KCNIP4: variants seen among roughly 807,000 people sequenced by gnomAD.
The protein encoded by KCNIP4 is Kv channel-interacting protein 4.
A neutral mutation model predicts 34.0 loss-of-function variants in KCNIP4; 12 were observed. The ratio of observed to expected loss-of-function variants is 0.35; its 90% CI spans 0.23 to 0.57. The LOEUF (loss-of-function observed/expected upper bound fraction) is 0.57. Among genes scored for constraint, KCNIP4 ranks in the 20% least tolerant of loss-of-function variants. The pLI, the probability that KCNIP4 is intolerant of heterozygous loss-of-function variation, is 0.83. For synonymous variants in KCNIP4, 124 were observed against 102.2 expected, an observed-to-expected ratio of 1.21 and a Z score of -1.29; for missense variants, 238 against 311.7, an observed-to-expected ratio of 0.76 and a Z score of 1.78.
intron 1 of KCNIP4, among the ~76,000 whole-genome samples, chr4:21,858,990 G>C (rs1225661030): frequency 6.6e-6 from 1 of 152,174 alleles, no homozygotes; most frequent in African/African-American, 2.4e-5. Context: ...GAGTAAAGAA[G>C]AGATGGGAAT....
intron 2 of KCNIP4, among the ~76,000 whole-genome samples, chr4:20,855,715 G>A (rs1273633637): frequency 6.6e-6 from 1 of 151,950 alleles, no homozygotes; most frequent in Non-Finnish European, 1.5e-5. Context: ...CTATATTTGT[G>A]AAAATGAGTA....
At chr4:21,212,498 T>C (rs554336534) in intron 1 of KCNIP4, among the ~76,000 whole-genome samples, 19 of 152,262 alleles carry the variant, frequency 1.2e-4, no homozygotes, top group African/African-American at 9.6e-5. Context: ...CCCAAAAGGG[T>C]AAAACATTGT....
chr4:20,760,228 C>T (rs1754840659), intron 3 of KCNIP4, among the ~76,000 whole-genome samples: 1 of 152,144 alleles, frequency 6.6e-6, no homozygotes, highest in Admixed American at 6.6e-5. Context: ...CTAGTTGTCA[C>T]AGCACTCCCA....
chr4:21,331,725 C>A (rs1715654160), intron 1 of KCNIP4, among the ~76,000 whole-genome samples: 2 of 151,882 alleles, frequency 1.3e-5, no homozygotes, highest in South Asian at 2.1e-4. Flanking sequence ...GTTTTTCTAG[C>A]AATTTCTGCT....
intron 1 of KCNIP4, among the ~76,000 whole-genome samples, chr4:21,090,011 G>A (rs952895732): frequency 9.9e-5 from 15 of 151,856 alleles, no homozygotes; most frequent in Non-Finnish European, 1.6e-4. Flanking sequence ...GTCTTCAATC[G>A]TTCCTTCTGC....
chr4:21,371,337 G>A (rs947530572), intron 1 of KCNIP4, among the ~76,000 whole-genome samples: 5 of 146,504 alleles, frequency 3.4e-5, no homozygotes, highest in Non-Finnish European at 1.5e-5. Flanking sequence ...CAGTAATAAT[G>A]ACCCAGAATT....
intron 1 of KCNIP4, among the ~76,000 whole-genome samples, chr4:21,526,477 A>G (rs1735983708): frequency 6.6e-6 from 1 of 152,276 alleles, no homozygotes; most frequent in Middle Eastern, 3.4e-3. Flanking sequence ...ACAGACTAAT[A>G]TAGCATTTAA....
intron 1 of KCNIP4, among the ~76,000 whole-genome samples, chr4:21,643,871 G>C (rs567034048): frequency 0.031 from 893 of 28,602 alleles, 8 homozygotes; most frequent in African/African-American, 0.14. Context: ...TGATGATGAT[G>C]ATAGATAGAT....
intron 1 of KCNIP4, among the ~76,000 whole-genome samples, chr4:21,863,320 C>T (rs1725210136): frequency 7.0e-6 from 1 of 143,850 alleles, no homozygotes; most frequent in African/African-American, 2.5e-5. Flanking sequence ...TAGAAATAGA[C>T]AGAAAAAACT....
At chr4:21,821,508 T>C (rs2109290342) in intron 1 of KCNIP4, among the ~76,000 whole-genome samples, 1 of 152,296 alleles carries the variant, frequency 6.6e-6, no homozygotes, top group African/African-American at 2.4e-5. Flanking sequence ...AATTTAAAAA[T>C]TTTAAATAGT....
At chr4:21,631,763 T>C (rs1745782505) in intron 1 of KCNIP4, among the ~76,000 whole-genome samples, 2 of 152,174 alleles carry the variant, frequency 1.3e-5, no homozygotes, top group South Asian at 4.1e-4. Flanking sequence ...CCCTCCAAAG[T>C]TTCTAACTCT....
intron 1 of KCNIP4, among the ~76,000 whole-genome samples, chr4:21,032,785 T>TGGCTGGTG (rs11281637): frequency 7.0e-4 from 107 of 152,214 alleles, no homozygotes; most frequent in Non-Finnish European, 1.3e-3. Context: ...TGATACAGGC[T>TGGCTGGTG]AAGCAACGAG....
intron 1 of KCNIP4, among the ~76,000 whole-genome samples, chr4:20,939,654 G>A (rs956437353): frequency 2.0e-5 from 3 of 152,080 alleles, no homozygotes; most frequent in Non-Finnish European, 4.4e-5. Flanking sequence ...TTACAGGTAT[G>A]AGCCACCACG....
intron 1 of KCNIP4, among the ~76,000 whole-genome samples, chr4:21,101,022 C>G (rs549900373): frequency 2.6e-5 from 4 of 152,210 alleles, no homozygotes; most frequent in African/African-American, 9.6e-5. Context: ...GCACATATTG[C>G]GTAGTGGTGA....
chr4:21,195,819 A>T (rs553548702), intron 1 of KCNIP4, among the ~76,000 whole-genome samples: 2 of 152,028 alleles, frequency 1.3e-5, no homozygotes, highest in Middle Eastern at 3.4e-3. Flanking sequence ...TTTCCGCCCA[A>T]GTAGACTCTC....
At position 20,850,562 on chromosome 4, in the gene KCNIP4, A is replaced by C; in HGVS notation, c.269T>G (p.Leu90Arg). The change falls in exon 3 of 9, where the codon CTT becomes CGT. Residue 90 changes from leucine to arginine, a missense_variant. Physicochemically the swap from Leu to Arg is moderately radical, Grantham distance 102. Coordinates refer to ENST00000382152, the MANE Select transcript of KCNIP4 (RefSeq NM_025221.6). ...SKFTKKELQI[L>R]YRGFKNECPS... is the part of the protein sequence containing the mutation. ...TCTTACATTCTTAAATCCTCTGTAA[A>C]GGATCTGAAGCTCTTTCTTGGTAAA... 6.2e-7 allele frequency: 1 copy of C among 1,612,924 alleles called. No individual in the cohort carries two copies. Among genetic ancestry groups the C allele is most frequent in the African/African-American group, 1.3e-5 (1 of 75,004 alleles).
In KCNIP4 at chr4:20,834,450, A is replaced by G. The variant is rs138427523; in HGVS notation, c.288+16093T>C. ...ACAATAAACAAATTCATTAATTATT[A>G]GAGATAATGATAAATGCTAAGTAAG... On this transcript the variant is annotated intron_variant, in intron 3 of 8. Transcript: ENST00000382152. Among the ~76,000 whole-genome samples, 1,011 of 152,338 alleles carry G rather than the reference A, an allele frequency of 6.6e-3. 7 individuals are homozygous for G. The highest frequency in any genetic ancestry group is 0.033 in the East Asian group (170 of 5,182).
At chr4:21,496,924 C>A (rs754279356) in intron 1 of KCNIP4, among the ~76,000 whole-genome samples, 2 of 152,160 alleles carry the variant, frequency 1.3e-5, no homozygotes, top group African/African-American at 2.4e-5. Flanking sequence ...TTGTCTTTCA[C>A]GAAACTGGTC....
intron 1 of KCNIP4, among the ~76,000 whole-genome samples, chr4:20,895,013 T>C (rs1726350045): frequency 6.6e-6 from 1 of 152,164 alleles, no homozygotes; most frequent in Non-Finnish European, 1.5e-5. Flanking sequence ...GCAGAGGAAA[T>C]TGATGGTAAA....
Sources: allele counts gnomAD v4.1 joint callset (sites outside exome capture counted in the v4.1 genomes callset), GRCh38; gene constraint gnomAD v4.1.1; transcripts MANE v1.5; gene names NCBI Gene and HGNC (gene_info 2026-07-23, HGNC 2026-07-21).